The following CASP6 variants were observed in gnomAD, a reference collection of about 807,000 sequenced individuals.
CASP6 encodes caspase 6, also known as caspase-6.
A neutral mutation model predicts 31.8 loss-of-function variants in CASP6; 20 were observed. That is an observed-to-expected ratio of 0.63 (90% CI 0.44 to 0.91). The LOEUF (loss-of-function observed/expected upper bound fraction) is 0.91, where lower values mean the gene tolerates loss of function less well. Ranked by LOEUF, CASP6 falls within the 40% of genes least tolerant of loss-of-function variation. The probability of loss-of-function intolerance (pLI) is 0.00; values close to 1 mark genes in which losing one functional copy is unlikely to be tolerated. For missense variants in CASP6, 328 were observed against 361.1 expected, an observed-to-expected ratio of 0.91 and a Z score of 0.74; for synonymous variants, 130 against 127.8, an observed-to-expected ratio of 1.02 and a Z score of -0.12.
rs374135540 is a variant in CASP6, at chr4:109,694,587, C to T, written c.421G>A (p.Gly141Ser). Reference protein sequence around the residue: ...DAKIEIQTLTGLFKGDKCHSL... With the variant: ...DAKIEIQTLTSLFKGDKCHSL... ...TGACACTTGTCTCCTTTGAACAAGC[C>T]AGTTAATGTCTGAATTTCGATTTTA... Residue 141 changes from glycine (G) to serine (S), a missense_variant, in exon 5 of 7, where the codon GGC becomes AGC. Physicochemically the swap from Gly to Ser is moderately conservative, Grantham distance 56. Coordinates refer to ENST00000265164, the MANE Select transcript of CASP6 (RefSeq NM_001226.4). The T allele has an allele frequency of 5.6e-6, 9 of 1,611,654 alleles. No individual in the cohort carries two copies. Among genetic ancestry groups the T allele is most frequent in the Non-Finnish European group, 7.6e-6 (9 of 1,178,916 alleles).
rs1016756060 is a variant in CASP6 at position 109,690,798 on chromosome 4, C to T, written c.643+52G>A. ...CCAAACCAATCAAAGGTGAAACTTA[C>T]AGGACCTTAGCCAAGAGAGGCAATT... On this transcript the variant is annotated intron_variant, in intron 6 of 6. Transcript: ENST00000265164. 6 of 1,535,536 alleles carry T rather than the reference C, an allele frequency of 3.9e-6. No individual in the cohort carries two copies. In the Admixed American group the frequency reaches 9.8e-5, roughly 25 times the overall value.
At chr4:109,686,461 T>C (rs1385329702), downstream of CASP6, among the ~76,000 whole-genome samples, 2 of 152,202 alleles carry the variant, frequency 1.3e-5, no homozygotes, top group African/African-American at 4.8e-5. Flanking sequence ...AAAATGTATT[T>C]TATTTCATAT....
At chr4:109,701,732 C>CT (rs1411806190) in intron 1 of CASP6, among the ~76,000 whole-genome samples, 3 of 152,236 alleles carry the variant, frequency 2.0e-5, no homozygotes, top group Non-Finnish European at 4.4e-5. Flanking sequence ...ATCCTGCCAG[C>CT]TACCATTTGT....
At chr4:109,701,070 G>T (rs939179741) in intron 1 of CASP6, among the ~76,000 whole-genome samples, 4 of 152,054 alleles carry the variant, frequency 2.6e-5, no homozygotes, top group Non-Finnish European at 5.9e-5. Context: ...CGATTCTCCC[G>T]CCTCAGCCTC....
rs1729927933 is a variant in CASP6 at position 109,688,860 on chromosome 4, A to G, written c.*470T>C. 1 of 147,666 alleles carries G rather than the reference A, an allele frequency of 6.8e-6. No homozygotes were observed. 9.1% of individuals were successfully genotyped at this position (147,666 alleles called of 1,614,324 possible). The stretch of plus-strand genomic sequence containing the variant: ...ATCAAACCCTTTCACCATGGCCAAC[A>G]TGAACTTTTTTTTTTTTTTTTTAAG... On this transcript the variant is annotated 3_prime_UTR_variant, in exon 7 of 7. Transcript: ENST00000265164.
upstream of CASP6, among the ~76,000 whole-genome samples, chr4:109,708,025 G>C (rs1275249040): frequency 1.3e-5 from 2 of 152,132 alleles, no homozygotes; most frequent in African/African-American, 4.8e-5. Flanking sequence ...AAATTAAAAT[G>C]TGTTAAGGCA....
At chr4:109,664,422 C>CTTTTT in the CASP6 span, 3 of 616,442 alleles carry the variant, frequency 4.9e-6, no homozygotes, top group African/African-American at 4.1e-5. Context: ...CCAACTATTA[C>CTTTTT]TTTTTTTTTT....
At chr4:109,684,436 C>T (rs369261730), downstream of CASP6, 511 of 1,597,856 alleles carry the variant, frequency 3.2e-4, no homozygotes, top group Non-Finnish European at 4.3e-4. Context: ...TTTTCATTCC[C>T]CCTCAGGTGA....
intron 1 of CASP6, chr4:109,702,774 G>A (rs1325425687): frequency 3.3e-5 from 5 of 152,692 alleles, no homozygotes; most frequent in African/African-American, 1.2e-4. Flanking sequence ...ACAGACAGCA[G>A]CAGGTTTCCT....
At position 109,691,018 on chromosome 4, in the gene CASP6, C is replaced by T; in HGVS notation, c.484-9G>A. 6.2e-7 allele frequency: 1 copy of T among 1,603,742 alleles called. No homozygotes were observed. On this transcript the variant is annotated splice_polypyrimidine_tract_variant and intron_variant, in intron 5 of 6. Transcript: ENST00000265164. Reference sequence around the variant, plus strand: ...TGGTTTCCCCGACATGCCTACAAGACAAGGAGGAAAAACCCACCTCTTTGC... The same window carrying T: ...TGGTTTCCCCGACATGCCTACAAGATAAGGAGGAAAAACCCACCTCTTTGC...
the CASP6 span, among the ~76,000 whole-genome samples, chr4:109,709,509 T>G: frequency 7.2e-5 from 11 of 152,306 alleles, no homozygotes; most frequent in Admixed American, 2.0e-4. Context: ...TGCCCTCATA[T>G]CTCAATCGTG....
At chr4:109,688,517 TGTGGTA>T (rs1259349332), downstream of CASP6, 1 of 152,224 alleles carries the variant, frequency 6.6e-6, no homozygotes. Flanking sequence ...ATACACAAAA[TGTGGTA>T]ATTCATATGT....
the CASP6 span, chr4:109,674,004 T>TA: frequency 8.5e-7 from 1 of 1,175,262 alleles, no homozygotes. Context: ...GGGGAAATAC[T>TA]AAAATGTCCA....
At chr4:109,674,652 T>G in the CASP6 span, among the ~76,000 whole-genome samples, 1 of 152,214 alleles carries the variant, frequency 6.6e-6, no homozygotes, top group Admixed American at 6.5e-5. Context: ...CCAGAAAGCT[T>G]AAACAATAGA....
At chr4:109,707,530 G>C (rs948097472), upstream of CASP6, among the ~76,000 whole-genome samples, 6 of 152,032 alleles carry the variant, frequency 3.9e-5, no homozygotes, top group African/African-American at 1.4e-4. Flanking sequence ...AGGATTACAG[G>C]CGTGCACTAC....
the CASP6 span, among the ~76,000 whole-genome samples, chr4:109,681,750 C>T: frequency 1.3e-5 from 2 of 152,224 alleles, no homozygotes; most frequent in African/African-American, 2.4e-5. Flanking sequence ...GCACAGTGGA[C>T]ACCCTGCTGG....
the CASP6 span, among the ~76,000 whole-genome samples, chr4:109,672,768 A>G: frequency 6.6e-6 from 1 of 152,206 alleles, no homozygotes; most frequent in African/African-American, 2.4e-5. Flanking sequence ...AAGCAGCTCC[A>G]GCTAACCATT....
At chr4:109,705,813 A>ATT (rs1255793390), upstream of CASP6, among the ~76,000 whole-genome samples, 4 of 139,154 alleles carry the variant, frequency 2.9e-5, no homozygotes, top group Non-Finnish European at 4.7e-5. Flanking sequence ...TGTCTCTACA[A>ATT]TTTTTTTTTT....
the CASP6 span, among the ~76,000 whole-genome samples, chr4:109,674,870 A>T: frequency 6.6e-6 from 1 of 152,238 alleles, no homozygotes; most frequent in Non-Finnish European, 1.5e-5. Flanking sequence ...TGTGTTGCTT[A>T]TTTTTTACAT....
Sources: allele counts gnomAD v4.1 joint callset (sites outside exome capture counted in the v4.1 genomes callset), GRCh38; gene constraint gnomAD v4.1.1; transcripts MANE v1.5; gene names NCBI Gene and HGNC (gene_info 2026-07-23, HGNC 2026-07-21).